Variants in MCTP2 observed in about 807,000 individuals in gnomAD.
MCTP2 encodes multiple C2 and transmembrane domain containing 2, also known as multiple C2 and transmembrane domain-containing protein 2.
MCTP2 carries 132 observed loss-of-function variants against 111.6 expected under a neutral mutation model. That is an observed-to-expected ratio of 1.18 (90% CI 1.03 to 1.37). The LOEUF (loss-of-function observed/expected upper bound fraction) is 1.37. MCTP2 is among the 40% of genes most tolerant of loss of function. The pLI is 0.00. For missense variants in MCTP2, 1,183 were observed against 1,067.9 expected, an observed-to-expected ratio of 1.11 and a Z score of -1.50; for synonymous variants, 395 against 387.7, an observed-to-expected ratio of 1.02 and a Z score of -0.22.
rs534043227 is a variant in MCTP2 at position 94,288,783 on chromosome 15, T to C, written c.-65-9418T>C. On this transcript the variant is annotated intron_variant, in intron 1 of 22. Transcript: ENST00000357742. ...TAATCATGAGTCTTGAAATAAAAGA[T>C]AGAAACTATAAGCGAGGAAAGATGT... Among the ~76,000 whole-genome samples the C allele has an allele frequency of 2.0e-4, 30 of 152,246 alleles. 1 individual carries two copies. In the South Asian group the frequency reaches 6.2e-3, roughly 32 times the overall value.
intron 17 of MCTP2, among the ~76,000 whole-genome samples, chr15:94,406,757 A>G (rs1202563009): frequency 6.6e-6 from 1 of 152,172 alleles, no homozygotes; most frequent in African/African-American, 2.4e-5. Context: ...ACCTTTGAGG[A>G]ATGCTTTTAG....
intron 19 of MCTP2, among the ~76,000 whole-genome samples, chr15:94,444,475 A>G (rs2084005890): frequency 6.6e-6 from 1 of 152,140 alleles, no homozygotes; most frequent in Non-Finnish European, 1.5e-5. Context: ...CCTTCTAATC[A>G]TGGGTGATTC....
At chr15:94,239,837 G>A (rs1284613012) in intron 1 of MCTP2, among the ~76,000 whole-genome samples, 1 of 152,154 alleles carries the variant, frequency 6.6e-6, no homozygotes, top group Non-Finnish European at 1.5e-5. Flanking sequence ...GTTTTTAAAT[G>A]TCATGAACTA....
chr15:94,272,399 CG>C (rs2073953070), intron 1 of MCTP2, among the ~76,000 whole-genome samples: 1 of 152,114 alleles, frequency 6.6e-6, no homozygotes, highest in African/African-American at 2.4e-5. Flanking sequence ...GTGCGTTTAG[CG>C]TGAGTGTTGC....
chr15:94,425,567 C>T (rs1300928507), intron 17 of MCTP2, among the ~76,000 whole-genome samples: 1 of 151,526 alleles, frequency 6.6e-6, no homozygotes, highest in Admixed American at 6.6e-5. Context: ...AAAAAAAGAA[C>T]AAAAATCATG....
At chr15:94,469,259 C>T (rs904360933) in intron 20 of MCTP2, among the ~76,000 whole-genome samples, 7 of 152,142 alleles carry the variant, frequency 4.6e-5, no homozygotes, top group Non-Finnish European at 8.8e-5. Flanking sequence ...GAAATACTCT[C>T]GGCACCTCAG....
intron 8 of MCTP2, among the ~76,000 whole-genome samples, chr15:94,352,786 G>A (rs890413723): frequency 6.6e-6 from 1 of 152,160 alleles, no homozygotes; most frequent in Non-Finnish European, 1.5e-5. Flanking sequence ...TGTTTGAAGA[G>A]CACAAAAGAC....
At chr15:94,365,148 T>C (rs1567536475) in intron 10 of MCTP2, among the ~76,000 whole-genome samples, 1 of 152,230 alleles carries the variant, frequency 6.6e-6, no homozygotes. Flanking sequence ...TAATTTTGAT[T>C]GATATGATGC....
intron 1 of MCTP2, among the ~76,000 whole-genome samples, chr15:94,272,114 G>C (rs1265392277): frequency 6.6e-6 from 1 of 152,230 alleles, no homozygotes; most frequent in African/African-American, 2.4e-5. Context: ...AACTGTTTAA[G>C]AGATCCATCT....
intron 22 of MCTP2, among the ~76,000 whole-genome samples, chr15:94,477,429 A>G (rs756179342): frequency 2.0e-5 from 3 of 152,186 alleles, no homozygotes; most frequent in Non-Finnish European, 2.9e-5. Flanking sequence ...GAAGGCAACA[A>G]TACTAGAAAG....
chr15:94,319,790 C>T (rs1322530674), intron 4 of MCTP2, among the ~76,000 whole-genome samples: 1 of 152,070 alleles, frequency 6.6e-6, no homozygotes, highest in South Asian at 2.1e-4. Flanking sequence ...TAGTATTAAC[C>T]CAATTAAAAC....
intron 20 of MCTP2, among the ~76,000 whole-genome samples, chr15:94,468,592 A>G (rs1482784496): frequency 6.6e-6 from 1 of 152,202 alleles, no homozygotes; most frequent in Non-Finnish European, 1.5e-5. Flanking sequence ...ACATATATAT[A>G]TAATATTTTA....
At chr15:94,412,549 C>T (rs868111886) in intron 17 of MCTP2, among the ~76,000 whole-genome samples, 4 of 151,958 alleles carry the variant, frequency 2.6e-5, no homozygotes, top group East Asian at 1.9e-4. Flanking sequence ...TGATGATGAA[C>T]GGTGTTTTTG....
chr15:94,406,518 C>T (rs2152481148), intron 17 of MCTP2, among the ~76,000 whole-genome samples: 1 of 152,312 alleles, frequency 6.6e-6, no homozygotes, highest in South Asian at 2.1e-4. Flanking sequence ...AGCTGTGATG[C>T]TATACAGGAA....
intron 20 of MCTP2, among the ~76,000 whole-genome samples, chr15:94,464,371 G>GATTTAATGTGGTTTATAACATCCTCTT (rs1555481497): frequency 7.0e-4 from 94 of 133,894 alleles, no homozygotes; most frequent in Non-Finnish European, 1.2e-3. Context: ...TCTACTTGTT[G>GATTTAATGTGGTTTATAACATCCTCTT]ATTTAATGTT....
chr15:94,475,324 C>G (rs1490650454), intron 21 of MCTP2, among the ~76,000 whole-genome samples: 1 of 152,138 alleles, frequency 6.6e-6, no homozygotes, highest in Non-Finnish European at 1.5e-5. Flanking sequence ...CGCCAAGCCA[C>G]CATTTACTCG....
At chr15:94,313,863 G>A (rs935586844) in intron 2 of MCTP2, among the ~76,000 whole-genome samples, 10 of 152,192 alleles carry the variant, frequency 6.6e-5, no homozygotes, top group Non-Finnish European at 1.0e-4. Context: ...TCTTTGAAAC[G>A]TTTCCTTCCG....
In MCTP2 at chr15:94,481,868, G is replaced by C. The variant is rs1373387426; in HGVS notation, c.*2834G>C. ...TCTGCCTTTTCATGTGCTGCTTTCA[G>C]AACAGAGGGCTGGATTGGATAGATT... On this transcript the variant is annotated 3_prime_UTR_variant, in exon 23 of 23. Transcript: ENST00000357742. 6.6e-6 allele frequency: 1 copy of C among 152,252 alleles called. No homozygotes were observed. Among genetic ancestry groups the C allele is most frequent in the Non-Finnish European group, 1.5e-5 (1 of 68,056 alleles). 9.4% of individuals were successfully genotyped at this position (152,252 alleles called of 1,614,324 possible). A position where few individuals can be genotyped will look rare whatever the true frequency, so the allele number is the denominator to read the frequency against.
chr15:94,433,752 T>C (rs1016995929), intron 17 of MCTP2, among the ~76,000 whole-genome samples: 2 of 152,236 alleles, frequency 1.3e-5, no homozygotes, highest in Non-Finnish European at 2.9e-5. Context: ...CACATTTTTG[T>C]CAACACTTTA....
Sources: gnomAD v4.1 joint callset for allele counts (sites outside exome capture counted in the v4.1 genomes callset) on GRCh38, gnomAD v4.1.1 for gene constraint, MANE v1.5 for transcripts, NCBI Gene and HGNC (gene_info 2026-07-23, HGNC 2026-07-21) for gene names.